The following SLC24A4 variants were observed in gnomAD, a reference collection of about 807,000 sequenced individuals.
SLC24A4 encodes the protein sodium/potassium/calcium exchanger 4.
SLC24A4 carries 53 observed loss-of-function variants against 79.0 expected under a neutral mutation model. The observed-to-expected ratio is 0.67, with a 90% confidence interval of 0.54 to 0.84. The LOEUF (loss-of-function observed/expected upper bound fraction) is 0.84, where lower values mean the gene tolerates loss of function less well. Among genes scored for constraint, SLC24A4 ranks in the 40% least tolerant of loss-of-function variants. The pLI is 0.00. For missense variants in SLC24A4, 731 were observed against 822.0 expected (o/e 0.89, Z 1.35); for synonymous variants, 323 against 323.8 (o/e 1.00, Z 0.03).
At chr14:92,372,693 C>T (rs1419982366) in intron 2 of SLC24A4, among the ~76,000 whole-genome samples, 1 of 152,232 alleles carries the variant, frequency 6.6e-6, no homozygotes, top group Non-Finnish European at 1.5e-5. Context: ...TCGAGTTTGG[C>T]CCCTCAGCTC....
chr14:92,407,857 T>TTGTGTGTGTGTGTG (rs60398538), intron 2 of SLC24A4, among the ~76,000 whole-genome samples: 4 of 143,590 alleles, frequency 2.8e-5, no homozygotes, highest in African/African-American at 1.0e-4. Flanking sequence ...CAGAGTGATA[T>TTGTGTGTGTGTGTG]TGTGTGTGTG....
intron 2 of SLC24A4, among the ~76,000 whole-genome samples, chr14:92,377,181 C>T (rs1679999485): frequency 6.6e-6 from 1 of 152,230 alleles, no homozygotes; most frequent in Non-Finnish European, 1.5e-5. Context: ...TTGGATCTGC[C>T]TCACTGGAGA....
At chr14:92,459,798 G>A (rs1893692079) in intron 12 of SLC24A4, among the ~76,000 whole-genome samples, 1 of 152,122 alleles carries the variant, frequency 6.6e-6, no homozygotes, top group African/African-American at 2.4e-5. Flanking sequence ...GGTAGGCAGA[G>A]GTTAACAGGA....
intron 12 of SLC24A4, among the ~76,000 whole-genome samples, chr14:92,461,505 C>T (rs1384809636): frequency 1.3e-5 from 2 of 152,210 alleles, no homozygotes; most frequent in East Asian, 3.8e-4. Context: ...CTCTTCCTGA[C>T]TTGTAGACAG....
chr14:92,434,804 C>T (rs985325180), intron 3 of SLC24A4, among the ~76,000 whole-genome samples: 6 of 152,152 alleles, frequency 3.9e-5, no homozygotes, highest in East Asian at 3.8e-4. Context: ...GATGGAGTCT[C>T]GCTCTGTCGC....
chr14:92,412,477 G>A (rs1322003629), intron 2 of SLC24A4, among the ~76,000 whole-genome samples: 1 of 152,200 alleles, frequency 6.6e-6, no homozygotes, highest in African/African-American at 2.4e-5. Flanking sequence ...GCCTACTGGT[G>A]TGATCTGGCT....
chr14:92,455,972 A>C lies in SLC24A4; in HGVS notation c.1051-432A>C, dbSNP rs148272000. On this transcript the variant is annotated intron_variant, in intron 11 of 16. Transcript: ENST00000532405. The stretch of plus-strand genomic sequence containing the variant: ...CACCTCGGCCTCCCAAAGTGCTGGG[A>C]TTACAAGCATGAGCCACCGTGCCCG... Among the ~76,000 whole-genome samples, 522 of 152,332 alleles carry C rather than the reference A, an allele frequency of 3.4e-3. 2 individuals carry two copies. Among genetic ancestry groups the C allele is most frequent in the African/African-American group, 0.012 (487 of 41,566 alleles).
chr14:92,448,950 C>G, intron 9 of SLC24A4, 124 bp from the exon 10 acceptor site: 1 of 1,179,164 alleles, frequency 8.5e-7, no homozygotes, highest in South Asian at 1.5e-5. Context: ...CTCCACACCT[C>G]CCCTGCCACC....
Position 92,490,851 on chromosome 14 carries a change from G to A in SLC24A4, c.1538-814G>A, listed in dbSNP as rs866999611. 9.2e-5 allele frequency among the ~76,000 whole-genome samples: 14 copies of A among 152,354 alleles called. No homozygotes were observed. In the South Asian group the frequency reaches 2.7e-3, roughly 29 times the overall value. Reference sequence around the variant, plus strand: ...ACGGGGTGCCGTAAACAACGGAAGTGTATTGTCTTGTGGTTCCGGAGGCCA... The same window carrying A: ...ACGGGGTGCCGTAAACAACGGAAGTATATTGTCTTGTGGTTCCGGAGGCCA... On this transcript the variant is annotated intron_variant, in intron 14 of 16. Transcript: ENST00000532405. This position sits in a 1 kb window ranked among gnomAD's most constrained non-coding sequence, Gnocchi z 4.3.
chr14:92,491,585 C>G, intron 14 of SLC24A4, 80 bp from the exon 15 acceptor site: 4 of 978,558 alleles, frequency 4.1e-6, no homozygotes, highest in Non-Finnish European at 6.6e-6. Context: ...AGGAATGGCA[C>G]TGATAGAACA....
chr14:92,392,598 G>T (rs1266858719), intron 2 of SLC24A4, among the ~76,000 whole-genome samples: 1 of 152,186 alleles, frequency 6.6e-6, no homozygotes, highest in Non-Finnish European at 1.5e-5. Context: ...GAAATGCTCT[G>T]CCAAGGGGGT....
chr14:92,439,531 A>G, intron 4 of SLC24A4, 122 bp downstream of exon 4: 1 of 893,234 alleles, frequency 1.1e-6, no homozygotes, highest in Non-Finnish European at 1.8e-6. Flanking sequence ...TGTCACACCG[A>G]GCACTTAGTG....
At chr14:92,459,112 C>T (rs1168529539) in intron 12 of SLC24A4, among the ~76,000 whole-genome samples, 4 of 152,188 alleles carry the variant, frequency 2.6e-5, no homozygotes, top group African/African-American at 7.2e-5. Flanking sequence ...ACTGTCCAGG[C>T]GCTGCAGGAA....
At position 92,499,360 on chromosome 14, in the gene SLC24A4, A is replaced by C. The variant is rs1033619790; in HGVS notation, c.*5732A>C. The C allele has an allele frequency of 3.9e-5, 6 of 152,098 alleles. No homozygotes were observed. The highest frequency in any genetic ancestry group is 1.4e-4 in the African/African-American group (6 of 41,406). The allele number at this position is 152,098 out of a possible 1,614,324, so 9.4% of individuals were successfully genotyped here. On this transcript the variant is annotated 3_prime_UTR_variant, in exon 17 of 17. Coordinates refer to ENST00000532405, the MANE Select transcript of SLC24A4 (RefSeq NM_153646.4). ...CGGGTGGCATCTCTGAGAGCTGAAA[A>C]TCCACAGAGTGCCTGTGGGAAAGCC...
At chr14:92,382,373 G>C (rs765559073) in intron 2 of SLC24A4, among the ~76,000 whole-genome samples, 4 of 152,156 alleles carry the variant, frequency 2.6e-5, no homozygotes, top group Non-Finnish European at 5.9e-5. Context: ...GTGAGCCTCA[G>C]TTTTCCCATC....
At position 92,449,389 on chromosome 14, in the gene SLC24A4, G is replaced by A. The variant is rs141538252; in HGVS notation, c.880+173G>A. Among the ~76,000 whole-genome samples the A allele has an allele frequency of 3.1e-3, 477 of 152,256 alleles. 4 individuals carry two copies. Among genetic ancestry groups the A allele is most frequent in the Non-Finnish European group, 4.1e-3 (276 of 68,016 alleles). ...CTTTGACCACAGGTGCCCTAAGAGAGGAGGGAGAGTCAGTATGGGAGATGG... is the reference window on the plus strand; with the variant it reads ...CTTTGACCACAGGTGCCCTAAGAGAAGAGGGAGAGTCAGTATGGGAGATGG... On this transcript the variant is annotated intron_variant, in intron 10 of 16. Coordinates refer to ENST00000532405, the MANE Select transcript of SLC24A4 (RefSeq NM_153646.4).
At chr14:92,452,837 TGAG>T (rs1490075081) in intron 10 of SLC24A4, 1 of 152,210 alleles carries the variant, frequency 6.6e-6, no homozygotes, top group Non-Finnish European at 1.5e-5. Context: ...GCCTGTTTGG[TGAG>T]GAGTGTGTGT....
Position 92,379,935 on chromosome 14 carries a change from T to C in SLC24A4, c.241+53957T>C, listed in dbSNP as rs559388625. Among the ~76,000 whole-genome samples the C allele has an allele frequency of 1.4e-4, 21 of 152,302 alleles. 1 individual carries two copies. In the East Asian group the frequency reaches 3.1e-3, roughly 22 times the overall value. On this transcript the variant is annotated intron_variant, in intron 2 of 16. Transcript: ENST00000532405. ...CTCTCCACCCTCACCTGCCGTGTTG[T>C]CTTCGTGGCACTCAGTACTCCCTGA...
At chr14:92,396,353 C>T (rs1401279913) in intron 2 of SLC24A4, among the ~76,000 whole-genome samples, 1 of 152,184 alleles carries the variant, frequency 6.6e-6, no homozygotes, top group Non-Finnish European at 1.5e-5. Flanking sequence ...CTTCAATTTG[C>T]TGTGGAGTGA....
Sources: gnomAD v4.1 joint callset for allele counts (sites outside exome capture counted in the v4.1 genomes callset) on GRCh38, gnomAD v4.1.1 for gene constraint, Gnocchi (gnomAD v3.1) non-coding constraint, MANE v1.5 for transcripts, NCBI Gene and HGNC (gene_info 2026-07-23, HGNC 2026-07-21) for gene names.